The following FYTTD1 variants were observed in gnomAD, a reference collection of about 807,000 sequenced individuals.
The protein encoded by FYTTD1 is UAP56-interacting factor.
In FYTTD1, 22 loss-of-function variants were observed where a neutral mutation model predicts 40.9. That is an observed-to-expected ratio of 0.54 (90% confidence interval 0.38 to 0.77). The LOEUF is 0.77. Ranked by LOEUF, FYTTD1 falls within the 30% of genes least tolerant of loss-of-function variation. The pLI is 0.00. For synonymous variants in FYTTD1, 140 were observed against 137.9 expected (o/e 1.01, Z -0.10); for missense variants, 351 against 392.2 (o/e 0.90, Z 0.89).
At chr3:197,781,088 T>C (rs1362677276) in intron 8 of FYTTD1, among the ~76,000 whole-genome samples, 1 of 151,486 alleles carries the variant, frequency 6.6e-6, no homozygotes, top group African/African-American at 2.4e-5. Flanking sequence ...CCGACACAGG[T>C]GGATCACTTG....
At chr3:197,769,084 G>GT (rs1404588039) in intron 3 of FYTTD1, among the ~76,000 whole-genome samples, 1 of 149,814 alleles carries the variant, frequency 6.7e-6, no homozygotes, top group African/African-American at 2.5e-5. Context: ...GAGTTTTTTT[G>GT]TTTGTTTGTT....
chr3:197,771,386 A>G (rs1046834328), intron 4 of FYTTD1, among the ~76,000 whole-genome samples: 1 of 152,208 alleles, frequency 6.6e-6, no homozygotes, highest in Non-Finnish European at 1.5e-5. Flanking sequence ...GGCTGGGCAC[A>G]GTGGCTCATG....
rs1729674409 is a variant in FYTTD1 at position 197,770,138 on chromosome 3, G to C, written c.391G>C (p.Glu131Gln). 6.3e-7 allele frequency: 1 copy of C among 1,593,066 alleles called. No homozygotes were observed. Among genetic ancestry groups the C allele is most frequent in the African/African-American group, 1.3e-5 (1 of 74,272 alleles). ...ATTTCTTGCCTTCTGATAGAATATA[G>C]AACAATATTTTCCAGTGTTAAAAAG... is the stretch of plus-strand genomic sequence containing the variant. ...NRPPLSDKNI[E>Q]QYFPVLKRKA... The change falls in exon 4 of 9, where the codon GAA (glutamate) becomes CAA (glutamine). Residue 131 changes from glutamate (E) to glutamine (Q), a missense_variant. Coordinates refer to ENST00000241502, the MANE Select transcript of FYTTD1 (RefSeq NM_032288.7).
chr3:197,767,569 A>G (rs1244098850), intron 2 of FYTTD1, among the ~76,000 whole-genome samples: 3 of 151,804 alleles, frequency 2.0e-5, no homozygotes, highest in Admixed American at 2.0e-4. Context: ...GGCTCAAGCA[A>G]TCCTCTCACC....
rs34296281 is a variant in FYTTD1, at chr3:197,787,111, CTTTTT to C, written c.*5218_*5222del. 9 of 83,670 alleles carry C rather than the reference CTTTTT, an allele frequency of 1.1e-4. No homozygotes were observed. The highest frequency in any genetic ancestry group is 1.2e-4 in the Non-Finnish European group (5 of 40,338). The allele number at this position is 83,670 out of a possible 1,614,324, so 5.2% of individuals were successfully genotyped here. A position where few individuals can be genotyped will look rare whatever the true frequency, so the allele number is the denominator to read the frequency against. On this transcript the variant is annotated 3_prime_UTR_variant, in exon 9 of 9. Coordinates refer to ENST00000241502, the MANE Select transcript of FYTTD1 (RefSeq NM_032288.7). ...ACCACGCCCGCCCTAAAAGTGGATT[CTTTTT>C]TTTTTTTTTTTTTTTGGAGACAGTC...
At chr3:197,773,277 T>G in intron 4 of FYTTD1, 126 bp from the exon 5 acceptor site, 2 of 614,446 alleles carry the variant, frequency 3.3e-6, no homozygotes, top group Non-Finnish European at 2.9e-6. Context: ...AGCAAATAAT[T>G]CAGAGTTGTT....
intron 1 of FYTTD1, chr3:197,750,372 C>T (rs1178500375): frequency 5.4e-6 from 6 of 1,112,306 alleles, no homozygotes; most frequent in Non-Finnish European, 5.5e-6. Context: ...GGGGGCGTCT[C>T]TTCTCCCCGG....
intron 1 of FYTTD1, among the ~76,000 whole-genome samples, chr3:197,753,778 C>T (rs912037525): frequency 3.3e-5 from 5 of 151,948 alleles, no homozygotes; most frequent in African/African-American, 1.2e-4. Context: ...TATTTTGAGA[C>T]GGAGTCTTGC....
Position 197,774,625 on chromosome 3 carries a change from C to T in FYTTD1, c.656+415C>T, listed in dbSNP as rs570185348. Among the ~76,000 whole-genome samples, 12 of 151,294 alleles carry T rather than the reference C, an allele frequency of 7.9e-5. 1 individual carries two copies. The highest frequency in any genetic ancestry group is 2.9e-4 in the African/African-American group (12 of 41,050). ...GCACACCAGCCTGAGCAGCATAGCT[C>T]GATGACCAGTGCACACCATCCTGAG... is the stretch of plus-strand genomic sequence containing the variant. On this transcript the variant is annotated intron_variant, in intron 6 of 8. Coordinates refer to ENST00000241502, the MANE Select transcript of FYTTD1 (RefSeq NM_032288.7).
At chr3:197,754,087 G>A (rs1030821916) in intron 1 of FYTTD1, among the ~76,000 whole-genome samples, 2 of 151,996 alleles carry the variant, frequency 1.3e-5, no homozygotes, top group Non-Finnish European at 2.9e-5. Flanking sequence ...ATTGTACTTT[G>A]CCTCTTTTTT....
In FYTTD1 at chr3:197,784,792, A is replaced by C. The variant is rs1730119244; in HGVS notation, c.*2883A>C. On this transcript the variant is annotated 3_prime_UTR_variant, in exon 9 of 9. Transcript: ENST00000241502. ...GGTGACAGAGTGACACTCTGTCTTA[A>C]AAAAACAAAAAAAAAGAATCCAGTA... The C allele has an allele frequency of 6.6e-6, 1 of 152,154 alleles. No homozygotes were observed. The highest frequency in any genetic ancestry group is 2.4e-5 in the African/African-American group (1 of 41,420). 9.4% of individuals were successfully genotyped at this position (152,154 alleles called of 1,614,324 possible). A position where few individuals can be genotyped will look rare whatever the true frequency, so the allele number is the denominator to read the frequency against.
chr3:197,760,790 C>G (rs969049526), intron 2 of FYTTD1, among the ~76,000 whole-genome samples: 1 of 150,932 alleles, frequency 6.6e-6, no homozygotes, highest in Non-Finnish European at 1.5e-5. Context: ...TGGAGTTGTT[C>G]CTCAGTGGTA....
chr3:197,760,246 C>CACTGAAT (rs1028972801), intron 2 of FYTTD1, among the ~76,000 whole-genome samples: 1 of 150,392 alleles, frequency 6.6e-6, no homozygotes, highest in Non-Finnish European at 1.5e-5. Flanking sequence ...AGTGGTAGAA[C>CACTGAAT]GTATAGAGTG....
chr3:197,752,316 C>T (rs1021523934), intron 1 of FYTTD1, among the ~76,000 whole-genome samples: 1 of 152,164 alleles, frequency 6.6e-6, no homozygotes, highest in African/African-American at 2.4e-5. Flanking sequence ...CAGATGATTT[C>T]CCAGTGCCTC....
chr3:197,774,738 G>T (rs575364472), intron 6 of FYTTD1, among the ~76,000 whole-genome samples: 3,335 of 141,904 alleles, frequency 0.024, 107 homozygotes, highest in African/African-American at 0.083. Flanking sequence ...TAGCTCGATC[G>T]CCAGTGCACA....
At chr3:197,774,749 C>A (rs1367297527) in intron 6 of FYTTD1, among the ~76,000 whole-genome samples, 1 of 151,264 alleles carries the variant, frequency 6.6e-6, no homozygotes, top group African/African-American at 2.4e-5. Context: ...CCAGTGCACA[C>A]CAGCCTGAGC....
chr3:197,749,603 A>T, upstream of FYTTD1: 1 of 1,138,238 alleles, frequency 8.8e-7, no homozygotes, highest in Non-Finnish European at 1.2e-6. Context: ...AGCAGGAGGG[A>T]CTCGAAGGAC....
chr3:197,767,838 G>A (rs1262416530), intron 2 of FYTTD1, among the ~76,000 whole-genome samples: 2 of 152,156 alleles, frequency 1.3e-5, no homozygotes, highest in Non-Finnish European at 2.9e-5. Flanking sequence ...TGTGTCTATT[G>A]GCACTCACTG....
chr3:197,776,822 C>T (rs796087503), intron 6 of FYTTD1, 105 bp from the exon 7 acceptor site: 2 of 721,376 alleles, frequency 2.8e-6, no homozygotes, highest in Non-Finnish European at 4.6e-6. Flanking sequence ...TTCTTACAAG[C>T]TAAGAAAAAG....
Sources: gnomAD v4.1 joint callset for allele counts (sites outside exome capture counted in the v4.1 genomes callset) on GRCh38, gnomAD v4.1.1 for gene constraint, MANE v1.5 for transcripts, NCBI Gene and HGNC (gene_info 2026-07-23, HGNC 2026-07-21) for gene names.